PPP2CA: variants seen among roughly 807,000 people sequenced by gnomAD.
The protein encoded by PPP2CA is protein phosphatase 2 catalytic subunit alpha.
PPP2CA carries 5 observed loss-of-function variants against 38.8 expected under a neutral mutation model. That is an observed-to-expected ratio of 0.13 (90% CI 0.07 to 0.27). The LOEUF is 0.27. Among genes scored for constraint, PPP2CA ranks in the 10% least tolerant of loss-of-function variants. PPP2CA has a pLI of 1.00. For missense variants in PPP2CA, 88 were observed against 389.7 expected, an observed-to-expected ratio of 0.23 and a Z score of 6.52; for synonymous variants, 152 against 134.0, an observed-to-expected ratio of 1.13 and a Z score of -0.93.
rs987267543 is a variant in PPP2CA, at chr5:134,194,876, G to C, written c.*2896C>G. ...ACCCACCCCGGCCTCCCCAAGTGCT[G>C]GGATTACAGGCATGAGCCACCGCGC... is the stretch of plus-strand genomic sequence containing the variant. On this transcript the variant is annotated 3_prime_UTR_variant, in exon 7 of 7. Transcript: ENST00000481195. 9 of 152,128 alleles carry C rather than the reference G, an allele frequency of 5.9e-5. No homozygotes were observed. The highest frequency in any genetic ancestry group is 1.9e-4 in the African/African-American group (8 of 41,392). 9.4% of individuals were successfully genotyped at this position (152,128 alleles called of 1,614,324 possible).
intron 1 of PPP2CA, among the ~76,000 whole-genome samples, chr5:134,223,285 A>G (rs946032768): frequency 2.6e-5 from 4 of 152,218 alleles, no homozygotes; most frequent in South Asian, 4.1e-4. Context: ...TTTCACCCAG[A>G]GATGCCATTG....
intron 2 of PPP2CA, among the ~76,000 whole-genome samples, chr5:134,203,135 G>A (rs1356246136): frequency 6.6e-6 from 1 of 150,456 alleles, no homozygotes; most frequent in Admixed American, 6.6e-5. Flanking sequence ...CTTTTTTTCT[G>A]GTGTCATCTT....
chr5:134,208,138 G>T (rs1762122775), intron 1 of PPP2CA, among the ~76,000 whole-genome samples: 1 of 152,112 alleles, frequency 6.6e-6, no homozygotes, highest in African/African-American at 2.4e-5. Flanking sequence ...CAAACAGATG[G>T]TTATATACCA....
At chr5:134,210,727 G>A (rs1044699418) in intron 1 of PPP2CA, among the ~76,000 whole-genome samples, 4 of 152,222 alleles carry the variant, frequency 2.6e-5, no homozygotes, top group Non-Finnish European at 4.4e-5. Flanking sequence ...TAGCTACTCA[G>A]GAGGCTGAGG....
chr5:134,212,597 A>AT (rs1337081366), intron 1 of PPP2CA, among the ~76,000 whole-genome samples: 20 of 152,336 alleles, frequency 1.3e-4, no homozygotes, highest in African/African-American at 4.3e-4. Context: ...GAAGAGTTGC[A>AT]TATCTCTCAC....
rs142542860 is a variant in PPP2CA, at chr5:134,225,800, T to C, written c.62A>G (p.Lys21Arg). 173 of 1,611,006 alleles carry C rather than the reference T, an allele frequency of 1.1e-4. No individual in the cohort carries two copies. In the African/African-American group the frequency reaches 2.1e-3, roughly 19 times the overall value. The change falls in exon 1 of 7, where the codon AAG becomes AGG. Residue 21 changes from lysine to arginine, a missense_variant. Around this residue, in one of 4 missense-constraint regions of PPP2CA, gnomAD observed 34 missense variants for 57.1 expected, o/e 0.60. Coordinates refer to ENST00000481195, the MANE Select transcript of PPP2CA (RefSeq NM_002715.4). ...CTTGACCTGGGACTCGGACAGCTGC[T>C]TGCACTCGTTCAGCTGCTCGATCCA... Reference protein sequence around the residue: ...DQWIEQLNECKQLSESQVKSL... With the variant: ...DQWIEQLNECRQLSESQVKSL...
At chr5:134,199,842 T>C (rs1761936983) in intron 5 of PPP2CA, among the ~76,000 whole-genome samples, 1 of 152,230 alleles carries the variant, frequency 6.6e-6, no homozygotes, top group Admixed American at 6.5e-5. Context: ...AGAGTTGTAC[T>C]AGTATTAATC....
intron 1 of PPP2CA, among the ~76,000 whole-genome samples, chr5:134,217,952 A>T (rs929196774): frequency 2.6e-5 from 4 of 152,242 alleles, no homozygotes; most frequent in Non-Finnish European, 5.9e-5. Context: ...CTGTTAACAT[A>T]ATGTTAAGTA....
At chr5:134,223,808 A>C (rs907067718) in intron 1 of PPP2CA, among the ~76,000 whole-genome samples, 2 of 152,218 alleles carry the variant, frequency 1.3e-5, no homozygotes, top group African/African-American at 4.8e-5. Flanking sequence ...CTCGACAATA[A>C]GCATACTTAT....
intron 1 of PPP2CA, among the ~76,000 whole-genome samples, chr5:134,209,900 C>A (rs796978419): frequency 9.2e-5 from 14 of 152,074 alleles, no homozygotes; most frequent in African/African-American, 3.4e-4. Flanking sequence ...CATATTGAGA[C>A]CCCTCTCTAT....
intron 2 of PPP2CA, among the ~76,000 whole-genome samples, chr5:134,204,330 C>T (rs548321177): frequency 1.3e-5 from 2 of 152,242 alleles, no homozygotes; most frequent in African/African-American, 4.8e-5. Flanking sequence ...GGAAGCCTGC[C>T]ACCCTAACAG....
intron 1 of PPP2CA, among the ~76,000 whole-genome samples, chr5:134,215,047 A>AT (rs1020865664): frequency 5.9e-5 from 9 of 151,484 alleles, no homozygotes; most frequent in African/African-American, 2.2e-4. Context: ...AAGAAAAAAA[A>AT]AATCAATCAA....
At chr5:134,199,240 C>A in intron 5 of PPP2CA, 36 bp from the exon 6 acceptor site, 1 of 1,466,598 alleles carries the variant, frequency 6.8e-7, no homozygotes, top group Non-Finnish European at 9.5e-7. Context: ...TTACTTTACT[C>A]CCTCAATTCA....
intron 1 of PPP2CA, among the ~76,000 whole-genome samples, chr5:134,221,254 G>C (rs965464671): frequency 4.6e-5 from 7 of 152,122 alleles, no homozygotes; most frequent in African/African-American, 1.7e-4. Flanking sequence ...TGAGACTACA[G>C]GTGTGTGCCA....
At chr5:134,212,276 A>G (rs559564414) in intron 1 of PPP2CA, among the ~76,000 whole-genome samples, 1 of 152,302 alleles carries the variant, frequency 6.6e-6, no homozygotes, top group East Asian at 1.9e-4. Context: ...TTTTCCCACC[A>G]GCATGTGCTC....
At chr5:134,220,341 C>G (rs904054377) in intron 1 of PPP2CA, among the ~76,000 whole-genome samples, 2 of 149,500 alleles carry the variant, frequency 1.3e-5, no homozygotes, top group African/African-American at 4.9e-5. Flanking sequence ...CACCTATAAT[C>G]CCAACTATTT....
chr5:134,196,855 G>T lies in PPP2CA; in HGVS notation c.*917C>A, dbSNP rs1761861913. On this transcript the variant is annotated 3_prime_UTR_variant, in exon 7 of 7. Coordinates refer to ENST00000481195, the MANE Select transcript of PPP2CA (RefSeq NM_002715.4). ...TCCTTTCTTACAAACAAGTTAATAT[G>T]CAGGAAGAACCCACAAAGTGCACAC... 1 of 152,500 alleles carries T rather than the reference G, an allele frequency of 6.6e-6. No homozygotes were observed. The highest frequency in any genetic ancestry group is 2.4e-5 in the African/African-American group (1 of 41,430). 9.4% of individuals were successfully genotyped at this position (152,500 alleles called of 1,614,324 possible). A position where few individuals can be genotyped will look rare whatever the true frequency, so the allele number is the denominator to read the frequency against.
chr5:134,199,299 A>T, intron 5 of PPP2CA, 95 bp from the exon 6 acceptor site: 1 of 884,608 alleles, frequency 1.1e-6, no homozygotes, highest in Non-Finnish European at 1.8e-6. Flanking sequence ...ACTCATTCCC[A>T]CCCCTGCCAA....
chr5:134,200,537 A>G, intron 4 of PPP2CA, 41 bp from the exon 5 acceptor site: 1 of 1,596,918 alleles, frequency 6.3e-7, no homozygotes, highest in Non-Finnish European at 8.5e-7. Context: ...TTTTACAAAC[A>G]TGGTTAACAC....
Sources: gnomAD v4.1 joint callset for allele counts (sites outside exome capture counted in the v4.1 genomes callset) on GRCh38, gnomAD v4.1.1 for gene constraint, gnomAD v4.1.1 regional missense constraint, MANE v1.5 for transcripts, NCBI Gene and HGNC (gene_info 2026-07-23, HGNC 2026-07-21) for gene names.